The following ZNG1A variants were observed in gnomAD, a reference collection of about 807,000 sequenced individuals.
ZNG1A encodes zinc-regulated GTPase metalloprotein activator 1A.
At chr9:139,611 G>T in the ZNG1A span, among the ~76,000 whole-genome samples, 2 of 152,108 alleles carry the variant, frequency 1.3e-5, no homozygotes, top group Non-Finnish European at 2.9e-5. Flanking sequence ...CCCCACAGGA[G>T]AAGGCAGAAA....
At chr9:165,280 A>C in the ZNG1A span, among the ~76,000 whole-genome samples, 1 of 151,846 alleles carries the variant, frequency 6.6e-6, no homozygotes, top group Non-Finnish European at 1.5e-5. Flanking sequence ...ACTCAGTAAA[A>C]TATCTAACAT....
chr9:141,689 C>T, the ZNG1A span, among the ~76,000 whole-genome samples: 240 of 151,686 alleles, frequency 1.6e-3, 1 homozygote, highest in African/African-American at 5.3e-3. Flanking sequence ...TCACACATAA[C>T]GATATTAACT....
chr9:169,305 G>A, the ZNG1A span, among the ~76,000 whole-genome samples: 1 of 147,392 alleles, frequency 6.8e-6, no homozygotes, highest in Middle Eastern at 3.5e-3. Flanking sequence ...ATTAGAAGGG[G>A]AGTCTGAAGA....
the ZNG1A span, among the ~76,000 whole-genome samples, chr9:178,516 T>C: frequency 9.1e-6 from 1 of 110,214 alleles, no homozygotes; most frequent in Non-Finnish European, 2.3e-5. Context: ...GAAGGTAAGA[T>C]AACTTGGTAA....
chr9:129,054 G>C, the ZNG1A span, among the ~76,000 whole-genome samples: 1 of 151,444 alleles, frequency 6.6e-6, no homozygotes, highest in Admixed American at 6.6e-5. Context: ...CTCAGCTGTG[G>C]ATACCAGCAC....
the ZNG1A span, among the ~76,000 whole-genome samples, chr9:139,609 G>A: frequency 6.6e-6 from 1 of 152,076 alleles, no homozygotes; most frequent in African/African-American, 2.4e-5. Flanking sequence ...TTCCCCACAG[G>A]AGAAGGCAGA....
the ZNG1A span, among the ~76,000 whole-genome samples, chr9:133,507 G>C: frequency 7.0e-6 from 1 of 142,224 alleles, no homozygotes; most frequent in Non-Finnish European, 1.5e-5. Flanking sequence ...TGGGAGGATA[G>C]GTGAAATAAA....
chr9:126,467 T>G, the ZNG1A span, among the ~76,000 whole-genome samples: 7 of 151,690 alleles, frequency 4.6e-5, no homozygotes, highest in Non-Finnish European at 1.0e-4. Context: ...TTTCTCCATC[T>G]ATTTTAGGTT....
At chr9:178,524 T>TAAGA in the ZNG1A span, among the ~76,000 whole-genome samples, 65 of 111,494 alleles carry the variant, frequency 5.8e-4, 7 homozygotes, top group African/African-American at 1.6e-3. Flanking sequence ...GATAACTTGG[T>TAAGA]AAGAGGTCAC....
chr9:155,725 C>G, the ZNG1A span, among the ~76,000 whole-genome samples: 1 of 152,064 alleles, frequency 6.6e-6, no homozygotes. Context: ...GTATGTACAT[C>G]ACAAATCCAA....
the ZNG1A span, among the ~76,000 whole-genome samples, chr9:157,747 C>T: frequency 6.9e-6 from 1 of 144,430 alleles, no homozygotes. Context: ...AGTCTGTGTA[C>T]AATGCTACAC....
the ZNG1A span, among the ~76,000 whole-genome samples, chr9:165,305 G>A: frequency 1.3e-5 from 2 of 150,844 alleles, no homozygotes; most frequent in Admixed American, 6.6e-5. Flanking sequence ...AAATCATTTT[G>A]TAATTTTTAA....
At chr9:149,612 C>T in the ZNG1A span, among the ~76,000 whole-genome samples, 1 of 149,354 alleles carries the variant, frequency 6.7e-6, no homozygotes, top group East Asian at 1.9e-4. Context: ...ATTATGTTGC[C>T]TTTTTGTTTG....
At chr9:148,052 A>T in the ZNG1A span, 2 of 148,286 alleles carry the variant, frequency 1.3e-5, no homozygotes, top group Non-Finnish European at 3.0e-5. Context: ...TGTCTCAAAA[A>T]GATAAAAATA....
chr9:157,679 T>C, the ZNG1A span, among the ~76,000 whole-genome samples: 2 of 134,388 alleles, frequency 1.5e-5, no homozygotes, highest in Non-Finnish European at 3.2e-5. Context: ...CACACACCCA[T>C]CAAGTAAAAT....
chr9:170,387 ATGTGCGTG>A, the ZNG1A span, among the ~76,000 whole-genome samples: 1 of 143,126 alleles, frequency 7.0e-6, no homozygotes, highest in African/African-American at 2.8e-5. Flanking sequence ...GCGCATGTGC[ATGTGCGTG>A]TGTGTGTGTG....
At chr9:177,794 C>G in the ZNG1A span, 2 of 1,531,034 alleles carry the variant, frequency 1.3e-6, no homozygotes, top group Non-Finnish European at 1.8e-6. Flanking sequence ...ATTTGTTCAT[C>G]TTCTCAGCAG....
chr9:156,585 A>T, the ZNG1A span: 3 of 1,560,278 alleles, frequency 1.9e-6, no homozygotes, highest in Admixed American at 1.7e-5. Context: ...TCTAATGTCA[A>T]CACAAAGGAT....
At chr9:132,590 C>T in the ZNG1A span, among the ~76,000 whole-genome samples, 1 of 68,692 alleles carries the variant, frequency 1.5e-5, no homozygotes, top group East Asian at 3.8e-4. Flanking sequence ...GAATTGTACA[C>T]TAAAATTACA....
Sources: gnomAD v4.1 joint callset for allele counts (sites outside exome capture counted in the v4.1 genomes callset) on GRCh38, gnomAD v4.1.1 for gene constraint, MANE v1.5 for transcripts, NCBI Gene and HGNC (gene_info 2026-07-23, HGNC 2026-07-21) for gene names.